MAMLD1: variants seen among roughly 807,000 people sequenced by gnomAD.
The protein encoded by MAMLD1 is mastermind like domain containing 1, also known as mastermind-like domain-containing protein 1.
Under a neutral mutation model 45.0 loss-of-function variants are expected in MAMLD1, and 14 were observed. The ratio of observed to expected loss-of-function variants is 0.31; its 90% confidence interval spans 0.21 to 0.49. The LOEUF is 0.49. Ranked by LOEUF, MAMLD1 falls within the 20% of genes least tolerant of loss-of-function variation. MAMLD1 has a pLI of 0.99. For synonymous variants in MAMLD1, 254 were observed against 247.8 expected, an observed-to-expected ratio of 1.02 and a Z score of -0.24; for missense variants, 543 against 603.6, an observed-to-expected ratio of 0.90 and a Z score of 1.05.
At chrX:150,382,515 A>T (rs1362557796) in intron 1 of MAMLD1, among the ~76,000 whole-genome samples, 3 of 111,687 alleles carry the variant, frequency 2.7e-5, no homozygotes, top group Non-Finnish European at 5.7e-5. Flanking sequence ...TCTACAAAAA[A>T]CTTTGCTGAG....
At chrX:150,373,478 A>T (rs887680929) in intron 1 of MAMLD1, among the ~76,000 whole-genome samples, 37 of 111,062 alleles carry the variant, frequency 3.3e-4, no homozygotes, top group African/African-American at 1.1e-3. Flanking sequence ...ACACACACAC[A>T]CACACACACA....
At chrX:150,366,199 A>G (rs975776432) in intron 1 of MAMLD1, among the ~76,000 whole-genome samples, 1 of 111,874 alleles carries the variant, frequency 8.9e-6, no homozygotes, top group Non-Finnish European at 1.9e-5. Flanking sequence ...ATTTAATCTG[A>G]TGTCGACGTT....
At chrX:150,366,979 C>A (rs2031510720) in intron 1 of MAMLD1, among the ~76,000 whole-genome samples, 1 of 104,415 alleles carries the variant, frequency 9.6e-6, no homozygotes, top group Non-Finnish European at 1.9e-5. Context: ...TCACAAAGAG[C>A]TGAAGCTTTT....
intron 1 of MAMLD1, among the ~76,000 whole-genome samples, chrX:150,391,825 T>C (rs1282488271): frequency 8.9e-6 from 1 of 112,011 alleles, no homozygotes; most frequent in African/African-American, 3.2e-5. Context: ...TTGGATGGTA[T>C]TCAATTTTAC....
intron 6 of MAMLD1, chrX:150,504,548 AC>A: frequency 1.9e-6 from 1 of 536,895 alleles, no homozygotes; most frequent in Non-Finnish European, 2.3e-6. Context: ...TTCAGCTGAA[AC>A]CAGAGAAATC....
chrX:150,505,132 G>A, intron 6 of MAMLD1: 1 of 716,400 alleles, frequency 1.4e-6, no homozygotes, highest in Non-Finnish European at 1.7e-6. Flanking sequence ...TCTGCCGTTT[G>A]CTTTCAGTGG....
chrX:150,452,278 T>C, intron 2 of MAMLD1, among the ~76,000 whole-genome samples: 1 of 111,998 alleles, frequency 8.9e-6, no homozygotes, highest in Middle Eastern at 4.6e-3. Context: ...TTCATTCACA[T>C]CCGCAGATGC....
intron 2 of MAMLD1, among the ~76,000 whole-genome samples, chrX:150,457,253 CCAG>C (rs2035897241): frequency 8.9e-6 from 1 of 112,260 alleles, no homozygotes; most frequent in Non-Finnish European, 1.9e-5. Flanking sequence ...GTGGTGCAGA[CCAG>C]CAGCAGGAAC....
chrX:150,368,205 A>G (rs1411948867), intron 1 of MAMLD1, among the ~76,000 whole-genome samples: 2 of 110,828 alleles, frequency 1.8e-5, no homozygotes, highest in African/African-American at 6.6e-5. Context: ...ATTTCTCCAC[A>G]TCCTCTCCAG....
At chrX:150,452,324 A>G (rs1557405099) in intron 2 of MAMLD1, among the ~76,000 whole-genome samples, 1 of 112,236 alleles carries the variant, frequency 8.9e-6, no homozygotes, top group Non-Finnish European at 1.9e-5. Context: ...GGGGTTACCA[A>G]GATGAATAGG....
rs782432358 is a variant in MAMLD1, at chrX:150,402,626, T to A, written c.-64+39096T>A. On this transcript the variant is annotated intron_variant, in intron 1 of 7. Transcript: ENST00000370401. ...TGCTATAAAGACACATGCACACATA[T>A]GTTTATTGCGGCATTATTCAAAATA... 2.5e-3 allele frequency among the ~76,000 whole-genome samples: 278 copies of A among 111,987 alleles called. 2 individuals are homozygous for A. The highest frequency in any genetic ancestry group is 8.8e-3 in the African/African-American group (269 of 30,607).
At chrX:150,369,038 A>G (rs782517401) in intron 1 of MAMLD1, among the ~76,000 whole-genome samples, 13 of 112,490 alleles carry the variant, frequency 1.2e-4, no homozygotes, top group Admixed American at 7.5e-4. Context: ...TTGTCTTGGC[A>G]ATGCAGGCTC....
chrX:150,385,978 A>G (rs1461603946), intron 1 of MAMLD1, among the ~76,000 whole-genome samples: 1 of 111,039 alleles, frequency 9.0e-6, no homozygotes, highest in African/African-American at 3.3e-5. Flanking sequence ...CTTTGTCCTC[A>G]TGGTCCAGCA....
At chrX:150,362,748 T>C (rs1227326517), upstream of MAMLD1, 1 of 111,995 alleles carries the variant, frequency 8.9e-6, no homozygotes, top group Non-Finnish European at 1.9e-5. Flanking sequence ...GGGCCCCGCC[T>C]GCGGCCCTCC....
intron 5 of MAMLD1, among the ~76,000 whole-genome samples, chrX:150,474,585 A>G (rs1255359291): frequency 8.9e-6 from 1 of 111,900 alleles, no homozygotes; most frequent in African/African-American, 3.3e-5. Flanking sequence ...AAGCCACGCT[A>G]TCTCCAGACC....
intron 1 of MAMLD1, among the ~76,000 whole-genome samples, chrX:150,371,073 A>G (rs1244471653): frequency 9.1e-6 from 1 of 110,179 alleles, no homozygotes; most frequent in Non-Finnish European, 1.9e-5. Flanking sequence ...CTGGAGGAGG[A>G]CCCCCGACCC....
chrX:150,449,386 A>G (rs1557404959), intron 2 of MAMLD1, among the ~76,000 whole-genome samples: 1 of 111,291 alleles, frequency 9.0e-6, no homozygotes, highest in African/African-American at 3.3e-5. Flanking sequence ...GTAACAGCGT[A>G]TGTGGACATT....
At chrX:150,403,973 A>T (rs929053926) in intron 1 of MAMLD1, among the ~76,000 whole-genome samples, 43 of 92,371 alleles carry the variant, frequency 4.7e-4, no homozygotes, top group African/African-American at 1.9e-3. Context: ...AGAAAGAAAG[A>T]AAGAAAGAAA....
chrX:150,494,007 T>C, intron 5 of MAMLD1, among the ~76,000 whole-genome samples: 1 of 112,152 alleles, frequency 8.9e-6, no homozygotes, highest in Non-Finnish European at 1.9e-5. Context: ...TTCACATTAC[T>C]GGTATCAAGT....
Sources: gnomAD v4.1 joint callset for allele counts (sites outside exome capture counted in the v4.1 genomes callset) on GRCh38, gnomAD v4.1.1 for gene constraint, MANE v1.5 for transcripts, NCBI Gene and HGNC (gene_info 2026-07-23, HGNC 2026-07-21) for gene names.